ATP2C2: variants seen among roughly 807,000 people sequenced by gnomAD.
The protein encoded by ATP2C2 is ATPase secretory pathway Ca2+ transporting 2.
Under a neutral mutation model 110.8 loss-of-function variants are expected in ATP2C2, and 171 were observed. The observed-to-expected ratio is 1.54, with a 90% confidence interval of 1.36 to 1.75. ATP2C2 has a LOEUF of 1.75. Ranked by LOEUF, ATP2C2 falls within the 40% of genes most tolerant of loss-of-function variation. ATP2C2 has a pLI of 0.00. For missense variants in ATP2C2, 1,963 were observed against 1,235.0 expected (o/e 1.59, Z -8.84); for synonymous variants, 804 against 508.4 (o/e 1.58, Z -7.82).
At chr16:84,439,549 C>T (rs1909057177) in intron 13 of ATP2C2, 25 bp downstream of exon 13, 10 of 1,604,020 alleles carry the variant, frequency 6.2e-6, no homozygotes, top group Admixed American at 1.7e-5. Flanking sequence ...AATTTACAAG[C>T]CTTAAGGATG....
chr16:84,410,516 C>G (rs745415811), intron 4 of ATP2C2, 52 bp from the exon 5 acceptor site: 3 of 1,590,428 alleles, frequency 1.9e-6, no homozygotes, highest in Non-Finnish European at 2.6e-6. Flanking sequence ...ACGCCCTGTC[C>G]CCCCTCCCAC....
chr16:84,437,285 C>T (rs370944844), intron 11 of ATP2C2, among the ~76,000 whole-genome samples: 37 of 152,246 alleles, frequency 2.4e-4, no homozygotes, highest in East Asian at 1.7e-3. Flanking sequence ...CCTTGACCTC[C>T]CAGGCTCAAG....
At chr16:84,458,678 C>A (rs143355785) in intron 21 of ATP2C2, among the ~76,000 whole-genome samples, 1 of 152,212 alleles carries the variant, frequency 6.6e-6, no homozygotes, top group Non-Finnish European at 1.5e-5. Context: ...CAGAAGCAGG[C>A]GATGTCCTTC....
At chr16:84,374,972 G>C (rs973382034) in intron 1 of ATP2C2, among the ~76,000 whole-genome samples, 2 of 152,216 alleles carry the variant, frequency 1.3e-5, no homozygotes, top group Non-Finnish European at 2.9e-5. Context: ...GTCCAAGTCA[G>C]ATGTTGAGAA....
At chr16:84,460,193 C>T (rs764084551) in intron 23 of ATP2C2, 7 of 206,776 alleles carry the variant, frequency 3.4e-5, no homozygotes, top group African/African-American at 7.0e-5. Context: ...TGTGTCTGAG[C>T]GGCAGGGCCT....
chr16:84,429,832 A>G (rs1473274233), intron 11 of ATP2C2, among the ~76,000 whole-genome samples: 2 of 152,110 alleles, frequency 1.3e-5, no homozygotes, highest in Non-Finnish European at 2.9e-5. Flanking sequence ...ACAGAAGCTT[A>G]TTCTCACCAT....
intron 16 of ATP2C2, among the ~76,000 whole-genome samples, chr16:84,447,565 T>C (rs1279237250): frequency 6.7e-6 from 1 of 150,278 alleles, no homozygotes; most frequent in East Asian, 1.9e-4. Context: ...AATTTGCTTT[T>C]TCCCCCTAAG....
intron 11 of ATP2C2, among the ~76,000 whole-genome samples, chr16:84,436,101 C>G (rs940660347): frequency 6.6e-6 from 1 of 152,236 alleles, no homozygotes; most frequent in African/African-American, 2.4e-5. Flanking sequence ...TGCACTCCAG[C>G]CTGGGTGACA....
At position 84,463,829 on chromosome 16, in the gene ATP2C2, C is replaced by A; in HGVS notation, c.*97C>A. On this transcript the variant is annotated 3_prime_UTR_variant, in exon 27 of 27. Coordinates refer to ENST00000262429, the MANE Select transcript of ATP2C2 (RefSeq NM_014861.4). Reference sequence around the variant, plus strand: ...TCGTCAGGGGAGACTTTTAGGAGGCCGCAGCCTTCCATCACCGGATCAGTT... The same window carrying A: ...TCGTCAGGGGAGACTTTTAGGAGGCAGCAGCCTTCCATCACCGGATCAGTT... The A allele has an allele frequency of 9.3e-7, 1 of 1,079,044 alleles. No homozygotes were observed. Among genetic ancestry groups the A allele is most frequent in the Admixed American group, 2.0e-5 (1 of 51,072 alleles). 66.8% of individuals were successfully genotyped at this position (1,079,044 alleles called of 1,614,324 possible). A position where few individuals can be genotyped will look rare whatever the true frequency, so the allele number is the denominator to read the frequency against.
At chr16:84,412,903 C>T (rs1405206228) in intron 6 of ATP2C2, among the ~76,000 whole-genome samples, 1 of 151,620 alleles carries the variant, frequency 6.6e-6, no homozygotes, top group African/African-American at 2.4e-5. Flanking sequence ...CAAGACCAGC[C>T]TGGCCAACAT....
Position 84,410,723 on chromosome 16 carries a change from C to A in ATP2C2, c.473C>A (p.Ser158Tyr). Residue 158 changes from serine (S) to tyrosine (Y), a missense_variant, in exon 6 of 27, where the codon TCT becomes TAT. Ser to Tyr is a moderately radical substitution (Grantham distance 144). Coordinates refer to ENST00000262429, the MANE Select transcript of ATP2C2 (RefSeq NM_014861.4). ...AFIQEYRSEK[S>Y]LEELTKLVPP... ...TGCCAGGAGTACAGGTCGGAGAAAT[C>A]TCTGGAAGAGCTGACCAAGCTGGTT... The A allele has an allele frequency of 2.5e-6, 4 of 1,614,184 alleles. No individual in the cohort carries two copies. Among genetic ancestry groups the A allele is most frequent in the East Asian group, 4.5e-5 (2 of 44,888 alleles).
chr16:84,426,038 G>C, intron 11 of ATP2C2: 1 of 455,260 alleles, frequency 2.2e-6, no homozygotes, highest in Non-Finnish European at 3.9e-6. Context: ...GTATTAGGCT[G>C]TTCTTGCATT....
chr16:84,404,028 G>A (rs920469180), intron 2 of ATP2C2, among the ~76,000 whole-genome samples: 4 of 152,218 alleles, frequency 2.6e-5, no homozygotes, highest in Non-Finnish European at 5.9e-5. Context: ...ATGAAGAGAC[G>A]CATAGGGCAG....
chr16:84,413,772 G>T (rs1906593531), intron 6 of ATP2C2, among the ~76,000 whole-genome samples: 1 of 150,566 alleles, frequency 6.6e-6, no homozygotes. Context: ...TCCAACTCAG[G>T]GGAAACCCTG....
In ATP2C2 at chr16:84,439,214, G is replaced by T; in HGVS notation, c.1035G>T (p.Val345=). The change falls in exon 12 of 27, where the codon GTG becomes GTT. Residue 345 remains valine (V), a synonymous_variant. Coordinates refer to ENST00000262429, the MANE Select transcript of ATP2C2 (RefSeq NM_014861.4). Reference sequence around the variant, plus strand: ...AGGGTCTGCCCATCGTCGTCATGGTGACGCTGGTCCTGGGAGTGCTGCGGA... The same window carrying T: ...AGGGTCTGCCCATCGTCGTCATGGTTACGCTGGTCCTGGGAGTGCTGCGGA... The part of the protein sequence containing the change: ...IPEGLPIVVM[V]TLVLGVLRMA... 2 of 1,612,286 alleles carry T rather than the reference G, an allele frequency of 1.2e-6. No individual in the cohort carries two copies. The highest frequency in any genetic ancestry group is 2.2e-5 in the South Asian group (2 of 90,974).
chr16:84,414,375 G>T (rs910321339), intron 6 of ATP2C2, among the ~76,000 whole-genome samples: 1 of 152,210 alleles, frequency 6.6e-6, no homozygotes, highest in African/African-American at 2.4e-5. Flanking sequence ...GGGTTGCATT[G>T]GTTCTTGGCT....
At chr16:84,415,859 C>T (rs750554126) in intron 7 of ATP2C2, among the ~76,000 whole-genome samples, 11 of 152,312 alleles carry the variant, frequency 7.2e-5, no homozygotes, top group Non-Finnish European at 1.6e-4. Flanking sequence ...GCTGCAATAA[C>T]AAATTAAACC....
At position 84,398,494 on chromosome 16, in the gene ATP2C2, C is replaced by G; in HGVS notation, c.100-5C>G. 6.3e-7 allele frequency: 1 copy of G among 1,595,418 alleles called. No individual in the cohort carries two copies. Among genetic ancestry groups the G allele is most frequent in the Non-Finnish European group, 8.5e-7 (1 of 1,172,164 alleles). ...CGCTAAACAGCAACCCTGCTCTTTTCACAGATTGATGAACAGAGTGAGCTG... is the reference window on the plus strand; with the variant it reads ...CGCTAAACAGCAACCCTGCTCTTTTGACAGATTGATGAACAGAGTGAGCTG... On this transcript the variant is annotated splice_polypyrimidine_tract_variant and splice_region_variant and intron_variant, in intron 1 of 26. Transcript: ENST00000262429.
chr16:84,439,649 T>A, intron 13 of ATP2C2, 125 bp downstream of exon 13: 1 of 912,344 alleles, frequency 1.1e-6, no homozygotes, highest in South Asian at 1.5e-5. Context: ...CATCTTATAA[T>A]CTCCTTGCTA....
Sources: gnomAD v4.1 joint callset for allele counts (sites outside exome capture counted in the v4.1 genomes callset) on GRCh38, gnomAD v4.1.1 for gene constraint, MANE v1.5 for transcripts, NCBI Gene and HGNC (gene_info 2026-07-23, HGNC 2026-07-21) for gene names.